MYO3B: variants seen among roughly 807,000 people sequenced by gnomAD.
MYO3B encodes myosin IIIB.
Under a neutral mutation model 174.6 loss-of-function variants are expected in MYO3B, and 156 were observed. That is an observed-to-expected ratio of 0.89 (90% confidence interval 0.78 to 1.02). The LOEUF (loss-of-function observed/expected upper bound fraction) is 1.02, where lower values mean the gene tolerates loss of function less well. MYO3B is among the 50% of genes least tolerant of loss of function. The probability of loss-of-function intolerance (pLI) is 0.00; values close to 1 mark genes in which losing one functional copy is unlikely to be tolerated. For synonymous variants in MYO3B, 563 were observed against 569.1 expected (o/e 0.99, Z 0.15); for missense variants, 1,632 against 1,639.4 (o/e 1.00, Z 0.08).
Position 170,524,630 on chromosome 2 carries a change from C to T in MYO3B, c.3575+5090C>T, listed in dbSNP as rs539335920. On this transcript the variant is annotated intron_variant, in intron 30 of 34. Transcript: ENST00000408978. ...TCCCGAGTAGCTGGGATTACAGGTG[C>T]GTGCCATAACACCTGGCTAATTTTT... The T allele has an allele frequency of 1.3e-4, 44 of 334,050 alleles. 1 individual carries two copies. Among genetic ancestry groups the T allele is most frequent in the East Asian group, 2.3e-4 (2 of 8,854 alleles). The allele number at this position is 334,050 out of a possible 1,614,324, so 20.7% of individuals were successfully genotyped here.
chr2:170,216,234 A>G (rs1173667798), intron 5 of MYO3B, among the ~76,000 whole-genome samples: 2 of 152,238 alleles, frequency 1.3e-5, no homozygotes, highest in African/African-American at 4.8e-5. Context: ...TTTTGTCATC[A>G]ATGACATTAG....
At chr2:170,452,342 C>T (rs1683644214) in intron 23 of MYO3B, among the ~76,000 whole-genome samples, 1 of 152,084 alleles carries the variant, frequency 6.6e-6, no homozygotes, top group Non-Finnish European at 1.5e-5. Context: ...CTCTGTTTTT[C>T]CCCAGGAGTC....
chr2:170,468,884 G>A (rs1374004512), intron 25 of MYO3B, among the ~76,000 whole-genome samples: 4 of 152,108 alleles, frequency 2.6e-5, no homozygotes, highest in Non-Finnish European at 5.9e-5. Flanking sequence ...AGTCAGGCTG[G>A]GCGTGATGGC....
At chr2:170,311,577 G>A (rs1244817926) in intron 7 of MYO3B, among the ~76,000 whole-genome samples, 6 of 148,590 alleles carry the variant, frequency 4.0e-5, no homozygotes, top group Non-Finnish European at 8.9e-5. Context: ...TACTTTCTTG[G>A]TGATGTCCTT....
At chr2:170,495,453 C>G (rs1163231952) in intron 25 of MYO3B, among the ~76,000 whole-genome samples, 1 of 152,032 alleles carries the variant, frequency 6.6e-6, no homozygotes, top group Non-Finnish European at 1.5e-5. Flanking sequence ...TCTTTCTGAA[C>G]TAAGCTAGAT....
intron 32 of MYO3B, among the ~76,000 whole-genome samples, chr2:170,593,680 TA>T (rs1693963649): frequency 6.6e-6 from 1 of 152,226 alleles, no homozygotes; most frequent in African/African-American, 2.4e-5. Context: ...GGGATCTACT[TA>T]TAGTATGCTG....
At chr2:170,424,124 C>T (rs1185830466) in intron 22 of MYO3B, among the ~76,000 whole-genome samples, 1 of 152,176 alleles carries the variant, frequency 6.6e-6, no homozygotes, top group East Asian at 1.9e-4. Context: ...GTGTACCAGA[C>T]ATCCAAAATC....
intron 30 of MYO3B, among the ~76,000 whole-genome samples, chr2:170,539,365 A>T (rs998341347): frequency 1.3e-5 from 2 of 152,222 alleles, no homozygotes; most frequent in African/African-American, 4.8e-5. Flanking sequence ...GAAAAAATAC[A>T]TCCTGGGTGA....
chr2:170,481,165 A>G (rs1012368908), intron 25 of MYO3B, among the ~76,000 whole-genome samples: 5 of 152,214 alleles, frequency 3.3e-5, no homozygotes, highest in Non-Finnish European at 7.3e-5. Context: ...AAGAAAACAC[A>G]AATCCTCCAG....
intron 30 of MYO3B, among the ~76,000 whole-genome samples, chr2:170,529,090 A>T (rs1689178140): frequency 6.6e-6 from 1 of 152,164 alleles, no homozygotes; most frequent in Non-Finnish European, 1.5e-5. Flanking sequence ...ATAAAAAGTC[A>T]ATTTTTTAGT....
intron 23 of MYO3B, among the ~76,000 whole-genome samples, chr2:170,451,334 G>A (rs1254445125): frequency 6.6e-6 from 1 of 152,240 alleles, no homozygotes; most frequent in Admixed American, 6.5e-5. Context: ...CCTAGTACAG[G>A]TAGGCGGCAT....
chr2:170,472,445 C>T (rs964247174), intron 25 of MYO3B, among the ~76,000 whole-genome samples: 2 of 152,166 alleles, frequency 1.3e-5, no homozygotes, highest in Admixed American at 6.5e-5. Context: ...CTGCCTTCTC[C>T]AAGCCCTCAG....
intron 32 of MYO3B, among the ~76,000 whole-genome samples, chr2:170,581,813 CAT>C (rs1272986653): frequency 1.3e-5 from 2 of 152,028 alleles, no homozygotes; most frequent in Non-Finnish European, 2.9e-5. Flanking sequence ...ACAATAATAA[CAT>C]CACACTTTTG....
chr2:170,403,966 A>G (rs923934571), intron 19 of MYO3B, among the ~76,000 whole-genome samples: 5 of 151,782 alleles, frequency 3.3e-5, no homozygotes, highest in African/African-American at 1.2e-4. Flanking sequence ...TTTCAGCTTC[A>G]CTTCCTTGTA....
At chr2:170,239,563 A>G (rs943093636) in intron 7 of MYO3B, among the ~76,000 whole-genome samples, 2 of 152,226 alleles carry the variant, frequency 1.3e-5, no homozygotes, top group African/African-American at 4.8e-5. Flanking sequence ...TTGTGGAAAA[A>G]TGCAGAATGT....
At chr2:170,603,764 G>A (rs1402526361) in intron 32 of MYO3B, among the ~76,000 whole-genome samples, 1 of 152,140 alleles carries the variant, frequency 6.6e-6, no homozygotes, top group East Asian at 1.9e-4. Flanking sequence ...GTAGAAACTT[G>A]TTAACATAAT....
rs1467844157 is a variant in MYO3B at position 170,654,482 on chromosome 2, T to C, written c.*1361T>C. ...GAAACCCCGTCTCTACTAAAAAAAA[T>C]AATGATAATACAAAAATTAGCCCAG... On this transcript the variant is annotated 3_prime_UTR_variant, in exon 35 of 35. Coordinates refer to ENST00000408978, the MANE Select transcript of MYO3B (RefSeq NM_138995.5). The C allele has an allele frequency of 6.6e-6, 1 of 151,072 alleles. No homozygotes were observed. The highest frequency in any genetic ancestry group is 1.5e-5 in the Non-Finnish European group (1 of 67,772). The allele number at this position is 151,072 out of a possible 1,614,324, so 9.4% of individuals were successfully genotyped here.
At chr2:170,595,722 G>A (rs1694104608) in intron 32 of MYO3B, among the ~76,000 whole-genome samples, 1 of 152,168 alleles carries the variant, frequency 6.6e-6, no homozygotes, top group Admixed American at 6.5e-5. Context: ...ATAGGTGTGA[G>A]CCACCATGCC....
chr2:170,343,394 T>C (rs2093992163), intron 8 of MYO3B: 1 of 152,062 alleles, frequency 6.6e-6, no homozygotes, highest in Non-Finnish European at 1.5e-5. Flanking sequence ...AATTGTGCCA[T>C]TGCACTCTAG....
Sources: gnomAD v4.1 joint callset for allele counts (sites outside exome capture counted in the v4.1 genomes callset) on GRCh38, gnomAD v4.1.1 for gene constraint, MANE v1.5 for transcripts, NCBI Gene and HGNC (gene_info 2026-07-23, HGNC 2026-07-21) for gene names.